The following P4HA3 variants were observed in gnomAD, a reference collection of about 807,000 sequenced individuals.
P4HA3 encodes the protein prolyl 4-hydroxylase subunit alpha 3, also known as prolyl 4-hydroxylase subunit alpha-3.
P4HA3 carries 60 observed loss-of-function variants against 66.7 expected under a neutral mutation model. The observed-to-expected ratio is 0.90, with a 90% CI of 0.73 to 1.12. P4HA3 has a LOEUF of 1.12. Ranked by LOEUF, P4HA3 falls within the 50% of genes most tolerant of loss-of-function variation. P4HA3 has a pLI of 0.00. For synonymous variants in P4HA3, 263 were observed against 274.6 expected, an observed-to-expected ratio of 0.96 and a Z score of 0.42; for missense variants, 683 against 685.8, an observed-to-expected ratio of 1.00 and a Z score of 0.05.
intron 15 of P4HA3, chr11:74,250,701 T>A (rs1859635077): frequency 8.9e-6 from 4 of 451,174 alleles, no homozygotes; most frequent in Non-Finnish European, 1.6e-5. Context: ...AAGAACTGTT[T>A]CTTCTATGTG....
intron 8 of P4HA3, among the ~76,000 whole-genome samples, chr11:74,279,061 A>G (rs1421811729): frequency 6.6e-6 from 1 of 152,216 alleles, no homozygotes. Flanking sequence ...AATCTTGTAA[A>G]GTTAAATTAC....
chr11:74,277,470 G>C (rs1283468228), intron 8 of P4HA3, among the ~76,000 whole-genome samples: 3 of 152,174 alleles, frequency 2.0e-5, no homozygotes, highest in African/African-American at 7.2e-5. Context: ...AGTGGGAAAA[G>C]CTTGTGATTT....
At chr11:74,255,807 A>G (rs959494843) in intron 15 of P4HA3, 1 of 383,054 alleles carries the variant, frequency 2.6e-6, no homozygotes, top group Non-Finnish European at 5.3e-6. Flanking sequence ...TAACAAGTGC[A>G]TCAATGTCTG....
intron 5 of P4HA3, among the ~76,000 whole-genome samples, chr11:74,288,564 C>T (rs1370032768): frequency 6.6e-6 from 1 of 152,156 alleles, no homozygotes; most frequent in African/African-American, 2.4e-5. Context: ...TCAGCATTTT[C>T]CAACTAACTT....
intron 12 of P4HA3, among the ~76,000 whole-genome samples, chr11:74,267,536 G>A (rs1591085835): frequency 6.6e-6 from 1 of 152,212 alleles, no homozygotes; most frequent in East Asian, 1.9e-4. Context: ...CTGGAAAAAA[G>A]TCACAGGTCC....
In P4HA3 at chr11:74,311,536, C is replaced by A. The variant is rs1162376154; in HGVS notation, c.76G>T (p.Ala26Ser). 3 of 1,545,566 alleles carry A rather than the reference C, an allele frequency of 1.9e-6. No individual in the cohort carries two copies. In the Admixed American group the frequency reaches 5.6e-5, roughly 29 times the overall value. Residue 26 changes from alanine (A) to serine (S), a missense_variant, in exon 1 of 13, where the codon GCT becomes TCT. Coordinates refer to ENST00000331597, the MANE Select transcript of P4HA3 (RefSeq NM_182904.5). The stretch of plus-strand genomic sequence containing the variant: ...AGCGCCGAGAACGTGTCGCCCCGAG[C>A]CGCAGCCCTTTCTGGGTCTCCTGTC... ...LGTGDPERAAARGDTFSALTS... is the reference protein window; with the variant it reads ...LGTGDPERAASRGDTFSALTS...
intron 15 of P4HA3, chr11:74,251,806 C>A: frequency 6.6e-7 from 1 of 1,518,804 alleles, no homozygotes; most frequent in Non-Finnish European, 9.1e-7. Context: ...TCTGCCTTAC[C>A]CCTGCCTGGT....
chr11:74,277,272 A>G (rs1173435855), intron 8 of P4HA3, 128 bp from the exon 9 acceptor site: 5 of 1,190,996 alleles, frequency 4.2e-6, no homozygotes, highest in African/African-American at 1.5e-5. Flanking sequence ...GGAAGGAGGA[A>G]AGAGAGGGAG....
intron 4 of P4HA3, among the ~76,000 whole-genome samples, chr11:74,296,984 G>C (rs995758573): frequency 6.7e-6 from 1 of 149,186 alleles, no homozygotes; most frequent in African/African-American, 2.5e-5. Flanking sequence ...CAGGCTGGAG[G>C]GCAATAGCTC....
In P4HA3 at chr11:74,311,618, C is replaced by T. The variant is rs938097031; in HGVS notation, c.-7G>A. 1 of 1,492,192 alleles carries T rather than the reference C, an allele frequency of 6.7e-7. No individual in the cohort carries two copies. The highest frequency in any genetic ancestry group is 8.8e-7 in the Non-Finnish European group (1 of 1,132,500). The allele number at this position is 1,492,192 out of a possible 1,614,324, so 92.4% of individuals were successfully genotyped here. ...GCCGCGCCCCAGGACCCATAGCCAG[C>T]GCTCGCGAACTTCCCCTCAGACAGT... On this transcript the variant is annotated 5_prime_UTR_variant, in exon 1 of 13. Coordinates refer to ENST00000331597, the MANE Select transcript of P4HA3 (RefSeq NM_182904.5).
Position 74,286,411 on chromosome 11 carries a change from G to A in P4HA3, c.770-20C>T, listed in dbSNP as rs377494084. The A allele has an allele frequency of 5.4e-4, 815 of 1,509,952 alleles. 17 individuals carry two copies. The South Asian group carries it at 0.01, about 19-fold the overall frequency. The allele number at this position is 1,509,952 out of a possible 1,614,324, so 93.5% of individuals were successfully genotyped here. On this transcript the variant is annotated intron_variant, in intron 5 of 12. Coordinates refer to ENST00000331597, the MANE Select transcript of P4HA3 (RefSeq NM_182904.5). ...CTGGGCCTGGAAGAAATCAGAGCAG[G>A]GAATATAAAATAGGGATTAACAAAT...
At position 74,284,061 on chromosome 11, in the gene P4HA3, G is replaced by A. The variant is rs1330510419; in HGVS notation, c.1110+1748C>T. Among the ~76,000 whole-genome samples, 6 of 152,250 alleles carry A rather than the reference G, an allele frequency of 3.9e-5. No homozygotes were observed. The East Asian group carries it at 5.8e-4, about 15-fold the overall frequency. On this transcript the variant is annotated intron_variant, in intron 7 of 12. Transcript: ENST00000331597. The stretch of plus-strand genomic sequence containing the variant: ...ACACAGTGGGCTCTATTCTGTTGAC[G>A]AATGACTAATGGCTGCCTGGATGAA...
chr11:74,250,899 C>T, intron 15 of P4HA3: 3 of 1,453,212 alleles, frequency 2.1e-6, no homozygotes, highest in East Asian at 2.4e-5. Flanking sequence ...TATGAGGCTG[C>T]ATAAGAGAGG....
At chr11:74,289,153 A>C in intron 4 of P4HA3, 23 bp from the exon 5 acceptor site, 1 of 1,557,644 alleles carries the variant, frequency 6.4e-7, no homozygotes, top group Non-Finnish European at 8.7e-7. Context: ...AAAAAAAGAA[A>C]AGAAAGCATT....
rs917103209 is a variant in P4HA3, at chr11:74,311,630, T to C, written c.-19A>G. 2.0e-6 allele frequency: 3 copies of C among 1,480,042 alleles called. No individual in the cohort carries two copies. The highest frequency in any genetic ancestry group is 1.5e-5 in the African/African-American group (1 of 68,248). 91.7% of individuals were successfully genotyped at this position (1,480,042 alleles called of 1,614,324 possible). A position where few individuals can be genotyped will look rare whatever the true frequency, so the allele number is the denominator to read the frequency against. On this transcript the variant is annotated 5_prime_UTR_variant, in exon 1 of 13. Transcript: ENST00000331597. The stretch of plus-strand genomic sequence containing the variant: ...GACCCATAGCCAGCGCTCGCGAACT[T>C]CCCCTCAGACAGTCCTGGCCGCGCG...
At position 74,285,660 on chromosome 11, in the gene P4HA3, C is replaced by T. The variant is rs369404216; in HGVS notation, c.1110+149G>A. On this transcript the variant is annotated intron_variant, in intron 7 of 12. Coordinates refer to ENST00000331597, the MANE Select transcript of P4HA3 (RefSeq NM_182904.5). Reference sequence around the variant, plus strand: ...CAAGCACTATTGTGATTTTTTTCCACCATGGACTAGTTTTATGGAATGGTT... The same window carrying T: ...CAAGCACTATTGTGATTTTTTTCCATCATGGACTAGTTTTATGGAATGGTT... The T allele has an allele frequency of 3.1e-4, 244 of 794,914 alleles. No homozygotes were observed. The East Asian group carries it at 5.9e-3, about 19-fold the overall frequency. The allele number at this position is 794,914 out of a possible 1,614,324, so 49.2% of individuals were successfully genotyped here. A position where few individuals can be genotyped will look rare whatever the true frequency, so the allele number is the denominator to read the frequency against.
intron 8 of P4HA3, 40 bp downstream of exon 8, chr11:74,279,348 G>C (rs1259960674): frequency 1.3e-6 from 2 of 1,582,114 alleles, no homozygotes; most frequent in Non-Finnish European, 1.7e-6. Flanking sequence ...TACGGCCCGA[G>C]GGTGGGCAGC....
chr11:74,286,150 C>T, intron 6 of P4HA3, 78 bp downstream of exon 6: 3 of 1,538,054 alleles, frequency 2.0e-6, no homozygotes, highest in Non-Finnish European at 1.8e-6. Flanking sequence ...CAGCTCTATC[C>T]CCTCATGTTA....
In P4HA3 at chr11:74,311,636, C is replaced by A; in HGVS notation, c.-25G>T. On this transcript the variant is annotated 5_prime_UTR_variant, in exon 1 of 13. Transcript: ENST00000331597. ...TAGCCAGCGCTCGCGAACTTCCCCT[C>A]AGACAGTCCTGGCCGCGCGGCGGCA... is the stretch of plus-strand genomic sequence containing the variant. The A allele has an allele frequency of 6.8e-7, 1 of 1,461,422 alleles. No homozygotes were observed. The highest frequency in any genetic ancestry group is 1.4e-5 in the South Asian group (1 of 73,052). The allele number at this position is 1,461,422 out of a possible 1,614,324, so 90.5% of individuals were successfully genotyped here.
Sources: gnomAD v4.1 joint callset for allele counts (sites outside exome capture counted in the v4.1 genomes callset) on GRCh38, gnomAD v4.1.1 for gene constraint, MANE v1.5 for transcripts, NCBI Gene and HGNC (gene_info 2026-07-23, HGNC 2026-07-21) for gene names.